ARHGAP8: variants seen among roughly 807,000 people sequenced by gnomAD.
ARHGAP8 encodes the protein rho GTPase-activating protein 8.
A neutral mutation model predicts 46.1 loss-of-function variants in ARHGAP8; 62 were observed. The observed-to-expected ratio is 1.34, with a 90% confidence interval of 1.10 to 1.66. The LOEUF is 1.66. ARHGAP8 is among the 40% of genes most tolerant of loss of function. The pLI is 0.00. For synonymous variants in ARHGAP8, 375 were observed against 243.1 expected, an observed-to-expected ratio of 1.54 and a Z score of -5.05; for missense variants, 923 against 568.4, an observed-to-expected ratio of 1.62 and a Z score of -6.34.
chr22:44,841,197 C>T (rs1197374581), intron 7 of ARHGAP8, among the ~76,000 whole-genome samples: 2 of 151,720 alleles, frequency 1.3e-5, no homozygotes, highest in Admixed American at 6.6e-5. Flanking sequence ...GATTCAGGTA[C>T]GCGTCATGGC....
At chr22:44,765,289 G>A (rs1367061738) in intron 1 of ARHGAP8, 1 of 152,388 alleles carries the variant, frequency 6.6e-6, no homozygotes, top group Non-Finnish European at 1.5e-5. Context: ...GCCCTGGGAG[G>A]GGTGCATACC....
chr22:44,854,657 G>A (rs2070178267), intron 10 of ARHGAP8, among the ~76,000 whole-genome samples: 1 of 151,994 alleles, frequency 6.6e-6, no homozygotes, highest in South Asian at 2.1e-4. Flanking sequence ...TTTTTGTGTT[G>A]AGATGGAGTC....
intron 3 of ARHGAP8, among the ~76,000 whole-genome samples, chr22:44,807,773 C>G (rs190489922): frequency 1.3e-5 from 2 of 152,350 alleles, no homozygotes; most frequent in Non-Finnish European, 2.9e-5. Context: ...CCTTGCCTGT[C>G]CAGCCCATAA....
At chr22:44,806,969 A>G (rs1236861167) in intron 3 of ARHGAP8, among the ~76,000 whole-genome samples, 3 of 151,802 alleles carry the variant, frequency 2.0e-5, no homozygotes, top group South Asian at 2.1e-4. Flanking sequence ...AAAAAAAAAA[A>G]AAAAGAAATC....
chr22:44,838,762 G>A lies in ARHGAP8; in HGVS notation c.597-6507G>A, dbSNP rs542098243. Among the ~76,000 whole-genome samples, 8 of 152,284 alleles carry A rather than the reference G, an allele frequency of 5.3e-5. No homozygotes were observed. The East Asian group carries it at 1.2e-3, about 22-fold the overall frequency. ...GCAGGCTCTCCAGCTGCGTGAACCC[G>A]GATAAGTCACTGTAGCTCACTGGGC... On this transcript the variant is annotated intron_variant, in intron 7 of 11. Transcript: ENST00000356099.
intron 10 of ARHGAP8, among the ~76,000 whole-genome samples, chr22:44,853,027 C>T (rs2070135471): frequency 6.6e-6 from 1 of 152,208 alleles, no homozygotes; most frequent in African/African-American, 2.4e-5. Context: ...TGGTCTCAAT[C>T]TCCTGACCTT....
At chr22:44,788,073 T>C (rs1228145950) in intron 2 of ARHGAP8, among the ~76,000 whole-genome samples, 1 of 149,042 alleles carries the variant, frequency 6.7e-6, no homozygotes, top group Non-Finnish European at 1.5e-5. Flanking sequence ...TTAATTTATA[T>C]AGTGTTTAAA....
At chr22:44,758,076 G>C (rs1324424573) in intron 1 of ARHGAP8, among the ~76,000 whole-genome samples, 2 of 152,134 alleles carry the variant, frequency 1.3e-5, no homozygotes, top group Non-Finnish European at 2.9e-5. Flanking sequence ...AACTTCTCCA[G>C]GGACCCATGG....
intron 1 of ARHGAP8, among the ~76,000 whole-genome samples, chr22:44,759,025 C>T (rs1005940728): frequency 2.0e-5 from 3 of 152,200 alleles, no homozygotes; most frequent in Non-Finnish European, 4.4e-5. Context: ...GAGGCCCCAG[C>T]TGCATCCACT....
chr22:44,841,704 C>T lies in ARHGAP8; in HGVS notation c.597-3565C>T, dbSNP rs927562303. Among the ~76,000 whole-genome samples, 31 of 152,292 alleles carry T rather than the reference C, an allele frequency of 2.0e-4. 1 individual carries two copies. The highest frequency in any genetic ancestry group is 3.3e-4 in the Admixed American group (5 of 15,294). On this transcript the variant is annotated intron_variant, in intron 7 of 11. Coordinates refer to ENST00000356099, the MANE Select transcript of ARHGAP8 (RefSeq NM_181335.3). ...CCTCCATGTACCTGCATTTTGGTAC[C>T]GGGCTGAAGAAGTAGCCTCTTGACA...
At chr22:44,819,547 C>T (rs1929979958) in intron 5 of ARHGAP8, among the ~76,000 whole-genome samples, 1 of 152,134 alleles carries the variant, frequency 6.6e-6, no homozygotes, top group African/African-American at 2.4e-5. Flanking sequence ...GTGGCAGGCG[C>T]CTGTAATCCC....
intron 1 of ARHGAP8, among the ~76,000 whole-genome samples, chr22:44,772,223 C>CTTTTT (rs71188484): frequency 6.1e-5 from 1 of 16,430 alleles, no homozygotes; most frequent in East Asian, 3.1e-3. Context: ...ACTGTTTTGC[C>CTTTTT]TTTTTTTTTT....
chr22:44,768,903 C>T (rs1026264752), intron 1 of ARHGAP8, among the ~76,000 whole-genome samples: 2 of 150,794 alleles, frequency 1.3e-5, no homozygotes, highest in African/African-American at 2.4e-5. Context: ...GGCGCGATCT[C>T]GGCTCACCGC....
rs956081858 is a variant in ARHGAP8 at position 44,825,357 on chromosome 22, G to A, written c.486-126G>A. On this transcript the variant is annotated intron_variant, in intron 6 of 11. Coordinates refer to ENST00000356099, the MANE Select transcript of ARHGAP8 (RefSeq NM_181335.3). ...AGTGTGTGTGTGAGCTGGCAGTGTG[G>A]CACGTGCGCCCAGAGGGATGAGATG... 3 of 895,718 alleles carry A rather than the reference G, an allele frequency of 3.3e-6. No individual in the cohort carries two copies. In the African/African-American group the frequency reaches 5.1e-5, roughly 15 times the overall value. 55.5% of individuals were successfully genotyped at this position (895,718 alleles called of 1,614,324 possible).
intron 7 of ARHGAP8, among the ~76,000 whole-genome samples, chr22:44,832,968 A>AC (rs533455887): frequency 0.019 from 2,774 of 149,624 alleles, 41 homozygotes; most frequent in Middle Eastern, 0.049. Context: ...GTCTATTAAA[A>AC]ACACACACAC....
At position 44,862,440 on chromosome 22, in the gene ARHGAP8, A is replaced by C; in HGVS notation, c.1147A>C (p.Thr383Pro). The change falls in exon 12 of 12, where the codon ACC (threonine) becomes CCC (proline). Residue 383 changes from threonine (T) to proline (P), a missense_variant. Coordinates refer to ENST00000356099, the MANE Select transcript of ARHGAP8 (RefSeq NM_181335.3). ...CGAGTACTATGAAAAGATCTTCAGC[A>C]CCCCGGAGGCACCTGGGGAGCACGG... ...LIEYYEKIFS[T>P]PEAPGEHGLA... 1.2e-6 allele frequency: 2 copies of C among 1,614,072 alleles called. No individual in the cohort carries two copies. The highest frequency in any genetic ancestry group is 8.5e-7 in the Non-Finnish European group (1 of 1,180,008).
chr22:44,853,155 T>C (rs532900384), intron 10 of ARHGAP8, among the ~76,000 whole-genome samples: 3 of 152,284 alleles, frequency 2.0e-5, no homozygotes, highest in African/African-American at 4.8e-5. Context: ...TTCCTAGATG[T>C]TGGCTTGAAG....
intron 10 of ARHGAP8, 179 bp from the exon 11 acceptor site, chr22:44,859,550 AAC>A (rs767814338): frequency 4.8e-6 from 3 of 628,538 alleles, no homozygotes; most frequent in Admixed American, 2.9e-5. Flanking sequence ...AGAATAGCCA[AAC>A]ACACAGGTTT....
intron 3 of ARHGAP8, among the ~76,000 whole-genome samples, chr22:44,804,415 C>T (rs1243690125): frequency 6.6e-6 from 1 of 152,086 alleles, no homozygotes; most frequent in Non-Finnish European, 1.5e-5. Flanking sequence ...GGGAGAAGCT[C>T]AGTCTTAGTG....
Sources: allele counts gnomAD v4.1 joint callset (sites outside exome capture counted in the v4.1 genomes callset), GRCh38; gene constraint gnomAD v4.1.1; transcripts MANE v1.5; gene names NCBI Gene and HGNC (gene_info 2026-07-23, HGNC 2026-07-21).